The following GALNT17 variants were observed in gnomAD, a reference collection of about 807,000 sequenced individuals.
The protein encoded by GALNT17 is polypeptide N-acetylgalactosaminyltransferase 17.
In GALNT17, 29 loss-of-function variants were observed where a neutral mutation model predicts 63.7. The observed-to-expected ratio is 0.46, with a 90% CI of 0.34 to 0.62. The LOEUF is 0.62. GALNT17 is among the 20% of genes least tolerant of loss of function. The pLI is 0.01. For synonymous variants in GALNT17, 305 were observed against 318.3 expected (o/e 0.96, Z 0.45); for missense variants, 603 against 799.6 (o/e 0.75, Z 2.97).
At chr7:71,236,237 C>A (rs1204274881) in intron 1 of GALNT17, among the ~76,000 whole-genome samples, 2 of 151,796 alleles carry the variant, frequency 1.3e-5, no homozygotes, top group Non-Finnish European at 1.5e-5. Context: ...AAAGAGCTGA[C>A]AAACTCACTT....
intron 5 of GALNT17, among the ~76,000 whole-genome samples, chr7:71,543,533 G>A (rs1479316270): frequency 6.6e-6 from 1 of 152,122 alleles, no homozygotes; most frequent in Non-Finnish European, 1.5e-5. Flanking sequence ...GCCTCCTCAT[G>A]GGTCTCGTGC....
chr7:71,194,890 G>C (rs978615848), intron 1 of GALNT17, among the ~76,000 whole-genome samples: 6 of 152,140 alleles, frequency 3.9e-5, no homozygotes, highest in Non-Finnish European at 7.3e-5. Context: ...TAAGGAAATG[G>C]GGGGACTGCC....
At chr7:71,398,523 T>C (rs1268513271) in intron 3 of GALNT17, among the ~76,000 whole-genome samples, 1 of 152,238 alleles carries the variant, frequency 6.6e-6, no homozygotes, top group Non-Finnish European at 1.5e-5. Context: ...TTTTTTGTTT[T>C]AACTTTTTCT....
chr7:71,536,915 C>A (rs560868414), intron 5 of GALNT17, among the ~76,000 whole-genome samples: 1 of 152,300 alleles, frequency 6.6e-6, no homozygotes. Flanking sequence ...CTCCTGGAAA[C>A]CCTTCCCCAG....
chr7:71,420,877 G>A, intron 4 of GALNT17, 31 bp from the exon 5 acceptor site: 1 of 1,593,886 alleles, frequency 6.3e-7, no homozygotes, highest in South Asian at 1.1e-5. Flanking sequence ...GGAGAGAAGA[G>A]AGGTTTCATG....
chr7:71,711,074 A>AC, intron 10 of GALNT17, 146 bp downstream of exon 10: 5 of 1,071,122 alleles, frequency 4.7e-6, no homozygotes, highest in Non-Finnish European at 5.2e-6. Flanking sequence ...TTGTGGACCC[A>AC]AAGCACTTCC....
chr7:71,667,317 G>A (rs1477399352), intron 7 of GALNT17, among the ~76,000 whole-genome samples: 3 of 152,146 alleles, frequency 2.0e-5, no homozygotes, highest in Non-Finnish European at 4.4e-5. Context: ...AACCCCTTCT[G>A]GACACTTAGC....
intron 1 of GALNT17, among the ~76,000 whole-genome samples, chr7:71,301,469 T>C (rs907622562): frequency 6.7e-6 from 1 of 148,930 alleles, no homozygotes; most frequent in Admixed American, 6.7e-5. Flanking sequence ...TTATAAAAAA[T>C]AATTACTTTT....
chr7:71,703,808 G>A (rs796351020), intron 9 of GALNT17, among the ~76,000 whole-genome samples: 21 of 152,282 alleles, frequency 1.4e-4, no homozygotes, highest in African/African-American at 5.1e-4. Context: ...CCTACAGTGT[G>A]GGAAGAGGGT....
At chr7:71,262,377 A>G (rs1790400719) in intron 1 of GALNT17, among the ~76,000 whole-genome samples, 2 of 151,986 alleles carry the variant, frequency 1.3e-5, no homozygotes, top group South Asian at 4.1e-4. Flanking sequence ...CAGCCTCCCA[A>G]AGTGCTGAGA....
At chr7:71,465,546 C>T (rs1787521200) in intron 5 of GALNT17, among the ~76,000 whole-genome samples, 1 of 152,218 alleles carries the variant, frequency 6.6e-6, no homozygotes, top group South Asian at 2.1e-4. Flanking sequence ...AGACTTTGAT[C>T]TCTCCAGGAT....
chr7:71,574,565 G>A (rs1789503769), intron 6 of GALNT17, among the ~76,000 whole-genome samples: 1 of 152,198 alleles, frequency 6.6e-6, no homozygotes, highest in African/African-American at 2.4e-5. Flanking sequence ...TTTTCTGCCA[G>A]TTCTTAAAGT....
rs187455847 is a variant in GALNT17, at chr7:71,142,606, A to T, written c.238+9566A>T. On this transcript the variant is annotated intron_variant, in intron 1 of 10. Coordinates refer to ENST00000333538, the MANE Select transcript of GALNT17 (RefSeq NM_022479.3). ...TTAGGCATTGTGGAATAGTGGGAAG[A>T]TATCTTTGTGGCTTTACCAGGGATG... Among the ~76,000 whole-genome samples, 337 of 152,348 alleles carry T rather than the reference A, an allele frequency of 2.2e-3. 1 individual carries two copies. Among genetic ancestry groups the T allele is most frequent in the African/African-American group, 7.5e-3 (313 of 41,572 alleles).
chr7:71,532,043 G>A (rs1471527351), intron 5 of GALNT17, among the ~76,000 whole-genome samples: 1 of 152,204 alleles, frequency 6.6e-6, no homozygotes, highest in Non-Finnish European at 1.5e-5. Context: ...GGGGAAGCCA[G>A]TGTGGTTGGT....
chr7:71,617,523 T>C (rs995621020), intron 6 of GALNT17, among the ~76,000 whole-genome samples: 1 of 152,072 alleles, frequency 6.6e-6, no homozygotes, highest in Admixed American at 6.5e-5. Flanking sequence ...GGTTTCACCA[T>C]GTTGGCCAGG....
At chr7:71,458,865 G>A (rs141296163) in intron 5 of GALNT17, among the ~76,000 whole-genome samples, 3 of 152,176 alleles carry the variant, frequency 2.0e-5, no homozygotes, top group Non-Finnish European at 4.4e-5. Context: ...GGAGCTGGGG[G>A]TTCGGGGTTT....
intron 1 of GALNT17, among the ~76,000 whole-genome samples, chr7:71,324,922 A>G (rs1453361895): frequency 6.6e-6 from 1 of 152,188 alleles, no homozygotes; most frequent in Non-Finnish European, 1.5e-5. Flanking sequence ...ATTGTATCCA[A>G]AATGGGGCTA....
intron 3 of GALNT17, among the ~76,000 whole-genome samples, chr7:71,392,815 A>C (rs557536946): frequency 1.4e-5 from 2 of 147,150 alleles, no homozygotes; most frequent in South Asian, 2.2e-4. Context: ...TCTGTTCTCT[A>C]TGTTTTTTCC....
intron 6 of GALNT17, among the ~76,000 whole-genome samples, chr7:71,663,010 A>G (rs1485812810): frequency 6.6e-6 from 1 of 152,212 alleles, no homozygotes; most frequent in African/African-American, 2.4e-5. Context: ...TTAGTTGACC[A>G]TAAGTGTGAG....
Sources: allele counts gnomAD v4.1 joint callset (sites outside exome capture counted in the v4.1 genomes callset), GRCh38; gene constraint gnomAD v4.1.1; transcripts MANE v1.5; gene names NCBI Gene and HGNC (gene_info 2026-07-23, HGNC 2026-07-21).